The following KHDRBS2 variants were observed in gnomAD, a reference collection of about 807,000 sequenced individuals.
The protein encoded by KHDRBS2 is KH domain-containing, RNA-binding, signal transduction-associated protein 2.
Under a neutral mutation model 44.3 loss-of-function variants are expected in KHDRBS2, and 26 were observed. That is an observed-to-expected ratio of 0.59 (90% CI 0.43 to 0.81). The LOEUF (loss-of-function observed/expected upper bound fraction) is 0.81. Among genes scored for constraint, KHDRBS2 ranks in the 40% least tolerant of loss-of-function variants. The probability of loss-of-function intolerance (pLI) is 0.00; values close to 1 mark genes in which losing one functional copy is unlikely to be tolerated. For missense variants in KHDRBS2, 476 were observed against 433.1 expected (o/e 1.10, Z -0.88); for synonymous variants, 194 against 151.1 (o/e 1.28, Z -2.08).
At chr6:61,561,843 C>T in the KHDRBS2 span, among the ~76,000 whole-genome samples, 2 of 152,244 alleles carry the variant, frequency 1.3e-5, no homozygotes, top group East Asian at 3.9e-4. Flanking sequence ...ATTTGGTCTT[C>T]ATTTTATGCA....
At chr6:61,569,431 C>T in the KHDRBS2 span, among the ~76,000 whole-genome samples, 7 of 152,190 alleles carry the variant, frequency 4.6e-5, no homozygotes, top group African/African-American at 1.4e-4. Context: ...ATTTCTGCTG[C>T]AGCTGGTGCT....
At chr6:62,084,073 T>C (rs1228192033) in intron 2 of KHDRBS2, among the ~76,000 whole-genome samples, 1 of 152,166 alleles carries the variant, frequency 6.6e-6, no homozygotes, top group Non-Finnish European at 1.5e-5. Flanking sequence ...CTCCAATTAG[T>C]ACAAATTTTT....
At chr6:61,772,554 A>G (rs1403398403) in intron 6 of KHDRBS2, among the ~76,000 whole-genome samples, 1 of 152,220 alleles carries the variant, frequency 6.6e-6, no homozygotes, top group Non-Finnish European at 1.5e-5. Flanking sequence ...AATAAACAAG[A>G]AAATCTAGAA....
chr6:61,997,318 T>C (rs1438449808), intron 3 of KHDRBS2, among the ~76,000 whole-genome samples: 1 of 152,172 alleles, frequency 6.6e-6, no homozygotes, highest in East Asian at 1.9e-4. Context: ...AAATACTTGA[T>C]AAGATAGGAT....
chr6:62,043,730 A>C (rs552964676), intron 3 of KHDRBS2, among the ~76,000 whole-genome samples: 1 of 152,258 alleles, frequency 6.6e-6, no homozygotes, highest in Non-Finnish European at 1.5e-5. Flanking sequence ...CACAAAGAAA[A>C]ACATTAAACT....
chr6:62,114,236 C>T (rs182468772), intron 2 of KHDRBS2, among the ~76,000 whole-genome samples: 50 of 152,156 alleles, frequency 3.3e-4, no homozygotes, highest in African/African-American at 1.1e-3. Flanking sequence ...AATTCCTATC[C>T]TGTGGAATTA....
At chr6:61,548,312 C>G in the KHDRBS2 span, among the ~76,000 whole-genome samples, 1 of 152,034 alleles carries the variant, frequency 6.6e-6, no homozygotes, top group Admixed American at 6.6e-5. Context: ...CAACAATTTT[C>G]CAATAATAAG....
At chr6:61,751,512 T>C (rs1365956911) in intron 6 of KHDRBS2, among the ~76,000 whole-genome samples, 1 of 152,208 alleles carries the variant, frequency 6.6e-6, no homozygotes, top group African/African-American at 2.4e-5. Flanking sequence ...CAAGGCCATC[T>C]GCTACATGAC....
chr6:61,619,499 G>T, the KHDRBS2 span, among the ~76,000 whole-genome samples: 1 of 152,120 alleles, frequency 6.6e-6, no homozygotes, highest in Non-Finnish European at 1.5e-5. Flanking sequence ...TTGTTGCCCA[G>T]GCTGGAGTGC....
intron 2 of KHDRBS2, among the ~76,000 whole-genome samples, chr6:62,113,106 T>C (rs1212772607): frequency 3.9e-5 from 6 of 152,110 alleles, no homozygotes; most frequent in Admixed American, 3.9e-4. Flanking sequence ...AAATATCTCA[T>C]TTGAAATTTA....
chr6:61,915,692 G>A (rs1487769400), intron 4 of KHDRBS2, among the ~76,000 whole-genome samples: 1 of 151,930 alleles, frequency 6.6e-6, no homozygotes, highest in African/African-American at 2.4e-5. Context: ...TTAAAAACCA[G>A]ATTTAAAAAT....
the KHDRBS2 span, among the ~76,000 whole-genome samples, chr6:61,551,604 A>C: frequency 6.6e-6 from 1 of 152,108 alleles, no homozygotes; most frequent in Non-Finnish European, 1.5e-5. Flanking sequence ...ACCCAGCACC[A>C]TTTATAGAAT....
intron 1 of KHDRBS2, among the ~76,000 whole-genome samples, chr6:62,194,823 T>C (rs1419825004): frequency 1.3e-5 from 2 of 151,996 alleles, no homozygotes; most frequent in African/African-American, 4.8e-5. Flanking sequence ...TTCTTTATTA[T>C]TGTATTTTTG....
At chr6:62,055,221 A>G (rs1789989795) in intron 2 of KHDRBS2, among the ~76,000 whole-genome samples, 1 of 152,040 alleles carries the variant, frequency 6.6e-6, no homozygotes, top group South Asian at 2.1e-4. Context: ...GCAGTAGTTT[A>G]CAAAAACAAA....
intron 8 of KHDRBS2, among the ~76,000 whole-genome samples, chr6:61,689,963 C>G (rs1767214819): frequency 6.6e-6 from 1 of 151,898 alleles, no homozygotes; most frequent in Non-Finnish European, 1.5e-5. Context: ...TTTAAAATGC[C>G]TATTCTGTTT....
chr6:61,926,370 A>G (rs1348643020), intron 4 of KHDRBS2, among the ~76,000 whole-genome samples: 1 of 152,070 alleles, frequency 6.6e-6, no homozygotes, highest in African/African-American at 2.4e-5. Flanking sequence ...TTGAAATGAA[A>G]CCTCTGCAGG....
intron 5 of KHDRBS2, among the ~76,000 whole-genome samples, chr6:61,895,173 A>C (rs1286487533): frequency 6.6e-6 from 1 of 151,798 alleles, no homozygotes; most frequent in African/African-American, 2.4e-5. Context: ...AACCCCATTA[A>C]ATTCCAAATT....
At chr6:62,070,322 A>G (rs565733134) in intron 2 of KHDRBS2, among the ~76,000 whole-genome samples, 26 of 137,096 alleles carry the variant, frequency 1.9e-4, no homozygotes, top group African/African-American at 6.6e-4. Flanking sequence ...AATAAGTTGG[A>G]AAGTGTTCAC....
rs200744576 is a variant in KHDRBS2 at position 61,954,486 on chromosome 6, CGTAT to C, written c.483+23576_483+23579del. 2.1e-3 allele frequency among the ~76,000 whole-genome samples: 263 copies of C among 127,708 alleles called. 2 individuals carry two copies. The highest frequency in any genetic ancestry group is 3.1e-3 in the Non-Finnish European group (190 of 61,568). 83.8% of individuals were successfully genotyped at this position (127,708 alleles called of 152,430 possible). On this transcript the variant is annotated intron_variant, in intron 4 of 8. Transcript: ENST00000281156. ...GTATACGTATGTGTATATACACATG[CGTAT>C]GTATGTATGCATAATATATATGAAT...
Sources: allele counts gnomAD v4.1 joint callset (sites outside exome capture counted in the v4.1 genomes callset), GRCh38; gene constraint gnomAD v4.1.1; transcripts MANE v1.5; gene names NCBI Gene and HGNC (gene_info 2026-07-23, HGNC 2026-07-21).